The following PREX1 variants were observed in gnomAD, a reference collection of about 807,000 sequenced individuals.
PREX1 encodes the protein phosphatidylinositol-3,4,5-trisphosphate dependent Rac exchange factor 1, also known as phosphatidylinositol 3,4,5-trisphosphate-dependent Rac exchanger 1 protein.
A neutral mutation model predicts 198.3 loss-of-function variants in PREX1; 41 were observed. That is an observed-to-expected ratio of 0.21 (90% CI 0.16 to 0.27). The LOEUF (loss-of-function observed/expected upper bound fraction) is 0.27, where lower values mean the gene tolerates loss of function less well. PREX1 is among the 10% of genes least tolerant of loss of function. The pLI is 1.00. For synonymous variants in PREX1, 843 were observed against 887.2 expected (o/e 0.95, Z 0.89); for missense variants, 1,620 against 2,200.7 (o/e 0.74, Z 5.28).
upstream of PREX1, among the ~76,000 whole-genome samples, chr20:48,831,333 A>C (rs7267607): frequency 0.29 from 44,240 of 152,156 alleles, 6,688 homozygotes; most frequent in Non-Finnish European, 0.33. Context: ...AGACCTGCTT[A>C]GTCCCCTGGC....
chr20:48,632,695 C>T (rs529190521), intron 33 of PREX1, 56 bp from the exon 34 acceptor site: 4 of 1,589,254 alleles, frequency 2.5e-6, no homozygotes, highest in Admixed American at 1.7e-5. Context: ...CCAGGGGAAG[C>T]CCTGGCACAC....
intron 1 of PREX1, among the ~76,000 whole-genome samples, chr20:48,771,967 G>A (rs1030462059): frequency 6.6e-6 from 1 of 152,186 alleles, no homozygotes; most frequent in Non-Finnish European, 1.5e-5. Flanking sequence ...GCTGAGGTGG[G>A]CGAATCACCT....
Position 48,762,701 on chromosome 20 carries a change from C to CTT in PREX1, c.220-14823_220-14822dup, listed in dbSNP as rs397816054. On this transcript the variant is annotated intron_variant, in intron 1 of 39. Coordinates refer to ENST00000371941, the MANE Select transcript of PREX1 (RefSeq NM_020820.4). Reference sequence around the variant, plus strand: ...CCTGACTGCTAATGGTATGAAGTTTCTTTTTTTTTTTTTTTTTTTGAGACA... The same window carrying CTT: ...CCTGACTGCTAATGGTATGAAGTTTCTTTTTTTTTTTTTTTTTTTTTGAGACA... Among the ~76,000 whole-genome samples the CTT allele has an allele frequency of 4.7e-3, 599 of 128,068 alleles. 6 individuals are homozygous for CTT. The highest frequency in any genetic ancestry group is 0.012 in the Middle Eastern group (3 of 250). The allele number at this position is 128,068 out of a possible 152,430, so 84.0% of individuals were successfully genotyped here.
chr20:48,681,375 A>G (rs772459209), intron 10 of PREX1, 40 bp from the exon 11 acceptor site: 6 of 1,591,664 alleles, frequency 3.8e-6, no homozygotes, highest in Non-Finnish European at 5.2e-6. Context: ...GATTTCCCCA[A>G]TTCTGGGACC....
the PREX1 span, among the ~76,000 whole-genome samples, chr20:48,845,811 GT>G: frequency 4.3e-4 from 65 of 152,290 alleles, 1 homozygote; most frequent in African/African-American, 1.6e-3. Flanking sequence ...GGCCAGTGAG[GT>G]GGTAATGTGG....
At chr20:48,869,273 TG>T in the PREX1 span, among the ~76,000 whole-genome samples, 7 of 147,932 alleles carry the variant, frequency 4.7e-5, no homozygotes, top group Non-Finnish European at 1.0e-4. Context: ...TTTTTTGCAG[TG>T]TTTTTTTGTT....
At chr20:48,808,005 A>G (rs1224081821) in intron 1 of PREX1, among the ~76,000 whole-genome samples, 2 of 152,034 alleles carry the variant, frequency 1.3e-5, no homozygotes, top group Admixed American at 6.6e-5. Context: ...CACCATCCTC[A>G]TTTCTGAAAT....
At chr20:48,757,435 A>C (rs1450117377) in intron 1 of PREX1, among the ~76,000 whole-genome samples, 1 of 152,242 alleles carries the variant, frequency 6.6e-6, no homozygotes, top group Non-Finnish European at 1.5e-5. Context: ...TTCGTCCTGC[A>C]TAACAATCCC....
chr20:48,885,884 T>C, the PREX1 span, among the ~76,000 whole-genome samples: 1 of 152,148 alleles, frequency 6.6e-6, no homozygotes, highest in South Asian at 2.1e-4. Context: ...GTAAAAAGAT[T>C]AGTAGTTGCC....
At chr20:48,816,028 GGA>G (rs1568652456) in intron 1 of PREX1, among the ~76,000 whole-genome samples, 4 of 120,160 alleles carry the variant, frequency 3.3e-5, no homozygotes, top group African/African-American at 1.3e-4. Context: ...AAGAAAAAAA[GGA>G]AAAAAAAAAA....
intron 5 of PREX1, among the ~76,000 whole-genome samples, chr20:48,716,107 G>A (rs2089961210): frequency 6.6e-6 from 1 of 152,202 alleles, no homozygotes; most frequent in African/African-American, 2.4e-5. Context: ...GTGCAGGGAA[G>A]AGAGGGGTGT....
At chr20:48,629,709 C>T (rs2089299241) in intron 36 of PREX1, 88 bp from the exon 37 acceptor site, 1 of 1,399,404 alleles carries the variant, frequency 7.1e-7, no homozygotes, top group African/African-American at 1.4e-5. Flanking sequence ...CCCACCATAT[C>T]CTTCTAATCC....
intron 6 of PREX1, among the ~76,000 whole-genome samples, chr20:48,703,773 C>T (rs763145564): frequency 8.5e-5 from 13 of 152,230 alleles, no homozygotes; most frequent in Non-Finnish European, 1.5e-4. Flanking sequence ...TGGCCAAGCA[C>T]CACCTGGCAA....
chr20:48,797,618 A>C (rs1483515848), intron 1 of PREX1, among the ~76,000 whole-genome samples: 1 of 151,872 alleles, frequency 6.6e-6, no homozygotes, highest in Admixed American at 6.6e-5. Flanking sequence ...TCTTCCCCAG[A>C]GAGAAAGAGA....
Position 48,625,881 on chromosome 20 carries a change from G to A in PREX1, c.*4C>T, listed in dbSNP as rs931984584. The A allele has an allele frequency of 3.5e-5, 54 of 1,561,360 alleles. No individual in the cohort carries two copies. The highest frequency in any genetic ancestry group is 4.6e-5 in the Non-Finnish European group (53 of 1,155,194). On this transcript the variant is annotated 3_prime_UTR_variant, in exon 40 of 40. Coordinates refer to ENST00000371941, the MANE Select transcript of PREX1 (RefSeq NM_020820.4). ...CCGCGGCCCAGCGTGGGGCATTTGG[G>A]TGTTCAGAGGTCCCCATCCACCGGC...
intron 1 of PREX1, among the ~76,000 whole-genome samples, chr20:48,825,020 T>C (rs2090502515): frequency 6.6e-6 from 1 of 152,050 alleles, no homozygotes; most frequent in Non-Finnish European, 1.5e-5. Context: ...TTAGCAAATA[T>C]AAAGGCTGAG....
At chr20:48,790,661 A>G (rs2122968826) in intron 1 of PREX1, among the ~76,000 whole-genome samples, 1 of 152,302 alleles carries the variant, frequency 6.6e-6, no homozygotes, top group Non-Finnish European at 1.5e-5. Flanking sequence ...GGGAAGGTGA[A>G]GGGAGGCAGA....
chr20:48,807,058 T>G (rs1912983435), intron 1 of PREX1, among the ~76,000 whole-genome samples: 1 of 152,204 alleles, frequency 6.6e-6, no homozygotes. Flanking sequence ...CATGCTGACA[T>G]GAGGGAAAAG....
At chr20:48,742,289 C>T (rs1203928388) in intron 3 of PREX1, among the ~76,000 whole-genome samples, 4 of 152,142 alleles carry the variant, frequency 2.6e-5, no homozygotes, top group Admixed American at 6.5e-5. Flanking sequence ...TGAACAGATG[C>T]GCACATTACC....
Sources: gnomAD v4.1 joint callset for allele counts (sites outside exome capture counted in the v4.1 genomes callset) on GRCh38, gnomAD v4.1.1 for gene constraint, MANE v1.5 for transcripts, NCBI Gene and HGNC (gene_info 2026-07-23, HGNC 2026-07-21) for gene names.